Variants in HS3ST3A1 observed in about 807,000 individuals in gnomAD.
HS3ST3A1 encodes heparan sulfate glucosamine 3-O-sulfotransferase 3A1.
In HS3ST3A1, 19 loss-of-function variants were observed where a neutral mutation model predicts 25.7. The ratio of observed to expected loss-of-function variants is 0.74; its 90% confidence interval spans 0.52 to 1.08. The LOEUF is 1.08. Ranked by LOEUF, HS3ST3A1 falls within the 50% of genes least tolerant of loss-of-function variation. The pLI is 0.00. For missense variants in HS3ST3A1, 459 were observed against 594.3 expected, an observed-to-expected ratio of 0.77 and a Z score of 2.37; for synonymous variants, 226 against 278.6, an observed-to-expected ratio of 0.81 and a Z score of 1.88.
At chr17:13,559,315 T>G (rs573978173) in intron 1 of HS3ST3A1, among the ~76,000 whole-genome samples, 1 of 152,252 alleles carries the variant, frequency 6.6e-6, no homozygotes, top group Non-Finnish European at 1.5e-5. Flanking sequence ...TAATTTCGTA[T>G]TAATGGACAC....
At chr17:13,556,546 TA>T (rs1352638193) in intron 1 of HS3ST3A1, among the ~76,000 whole-genome samples, 1 of 85,564 alleles carries the variant, frequency 1.2e-5, no homozygotes, top group Non-Finnish European at 2.2e-5. Flanking sequence ...AATAAATAGA[TA>T]AAAAATAAAA....
At chr17:13,544,412 C>T (rs901451978) in intron 1 of HS3ST3A1, among the ~76,000 whole-genome samples, 18 of 152,192 alleles carry the variant, frequency 1.2e-4, no homozygotes, top group Admixed American at 3.9e-4. Context: ...GGGTCTGGGA[C>T]GACCTTCCTA....
At chr17:13,533,402 G>C (rs1009136332) in intron 1 of HS3ST3A1, among the ~76,000 whole-genome samples, 2 of 151,738 alleles carry the variant, frequency 1.3e-5, no homozygotes, top group African/African-American at 4.8e-5. Context: ...CCTAAGTCTT[G>C]TTTGGAAGGA....
chr17:13,512,321 A>AAAAAAAAAAAAAAAAAAAAAC (rs1395357582), intron 1 of HS3ST3A1, among the ~76,000 whole-genome samples: 3 of 144,674 alleles, frequency 2.1e-5, no homozygotes, highest in Admixed American at 6.8e-5. Flanking sequence ...AAAAAAAAAA[A>AAAAAAAAAAAAAAAAAAAAAC]AAAAAACTGC....
At chr17:13,564,854 G>A (rs1907638735) in intron 1 of HS3ST3A1, among the ~76,000 whole-genome samples, 1 of 151,252 alleles carries the variant, frequency 6.6e-6, no homozygotes, top group South Asian at 2.1e-4. Context: ...CTCTCAAGTA[G>A]CTGGGATTAC....
chr17:13,579,981 T>C (rs933095572), intron 1 of HS3ST3A1, among the ~76,000 whole-genome samples: 3 of 146,262 alleles, frequency 2.1e-5, no homozygotes, highest in Non-Finnish European at 3.0e-5. Context: ...AAAGAAATTA[T>C]ACATATACTA....
intron 1 of HS3ST3A1, among the ~76,000 whole-genome samples, chr17:13,586,831 C>T (rs1055511144): frequency 2.5e-5 from 3 of 120,140 alleles, no homozygotes; most frequent in African/African-American, 1.0e-4. Context: ...GATCAAGCCA[C>T]TGCACTCCAG....
At chr17:13,517,229 A>G (rs942289363) in intron 1 of HS3ST3A1, among the ~76,000 whole-genome samples, 5 of 152,234 alleles carry the variant, frequency 3.3e-5, no homozygotes, top group African/African-American at 1.2e-4. Flanking sequence ...TAGTGAATGA[A>G]CGTTATTAAT....
intron 1 of HS3ST3A1, among the ~76,000 whole-genome samples, chr17:13,514,749 T>C (rs1290159830): frequency 1.3e-5 from 2 of 152,180 alleles, no homozygotes; most frequent in Admixed American, 6.5e-5. Context: ...TACAAAGTGA[T>C]AGCATGAGAT....
rs758222 is a variant in HS3ST3A1 at position 13,566,237 on chromosome 17, T to C, written c.599+34294A>G. On this transcript the variant is annotated intron_variant, in intron 1 of 1. Transcript: ENST00000284110. ...TTCACTTTTTCATGACTATTGTATC[T>C]GTTATGGTGATCTGTGATTGGTGGT... Among the ~76,000 whole-genome samples the C allele has an allele frequency of 9.6e-3, 1,464 of 152,292 alleles. 17 individuals carry two copies. The highest frequency in any genetic ancestry group is 0.033 in the African/African-American group (1,367 of 41,544).
At chr17:13,511,724 CTAGAAT>C (rs1319219757) in intron 1 of HS3ST3A1, among the ~76,000 whole-genome samples, 2 of 150,668 alleles carry the variant, frequency 1.3e-5, no homozygotes, top group Non-Finnish European at 3.0e-5. Context: ...ATGTTAAAAG[CTAGAAT>C]GGAGAACAGT....
chr17:13,596,627 C>T (rs1908585301), intron 1 of HS3ST3A1, among the ~76,000 whole-genome samples: 1 of 152,102 alleles, frequency 6.6e-6, no homozygotes, highest in South Asian at 2.1e-4. Context: ...TCCAAAGTAA[C>T]ATCTCACTCT....
chr17:13,536,315 GT>G (rs1332043377), intron 1 of HS3ST3A1, among the ~76,000 whole-genome samples: 8 of 151,860 alleles, frequency 5.3e-5, no homozygotes, highest in Admixed American at 5.2e-4. Flanking sequence ...AAAAAATTAA[GT>G]TGTTTTAGAA....
intron 1 of HS3ST3A1, among the ~76,000 whole-genome samples, chr17:13,503,462 T>C (rs762390511): frequency 5.8e-4 from 89 of 152,272 alleles, no homozygotes; most frequent in Non-Finnish European, 1.1e-3. Context: ...AAGTAATAAA[T>C]GTTTGAGGTG....
At chr17:13,506,206 A>G (rs1390868339) in intron 1 of HS3ST3A1, among the ~76,000 whole-genome samples, 1 of 151,854 alleles carries the variant, frequency 6.6e-6, no homozygotes, top group African/African-American at 2.4e-5. Context: ...ACATAGTTTT[A>G]TAGGAAACTC....
chr17:13,581,560 A>G (rs1956389746), intron 1 of HS3ST3A1, among the ~76,000 whole-genome samples: 1 of 152,140 alleles, frequency 6.6e-6, no homozygotes, highest in East Asian at 1.9e-4. Flanking sequence ...CACACCCAAC[A>G]CTGTCTGAAA....
chr17:13,533,312 C>T (rs887146918), intron 1 of HS3ST3A1, among the ~76,000 whole-genome samples: 15 of 151,996 alleles, frequency 9.9e-5, no homozygotes, highest in African/African-American at 3.6e-4. Context: ...AATCCACACA[C>T]TGCTTAAGGT....
At chr17:13,559,393 C>T (rs1352272171) in intron 1 of HS3ST3A1, among the ~76,000 whole-genome samples, 3 of 151,680 alleles carry the variant, frequency 2.0e-5, no homozygotes, top group Non-Finnish European at 2.9e-5. Flanking sequence ...TCTTCTTACA[C>T]CTAAAAGTAA....
chr17:13,506,993 C>T (rs1454208562), intron 1 of HS3ST3A1, among the ~76,000 whole-genome samples: 5 of 149,780 alleles, frequency 3.3e-5, no homozygotes, highest in East Asian at 2.0e-4. Context: ...CGCTTGAACC[C>T]GGGAGGCAGA....
Sources: allele counts gnomAD v4.1 joint callset (sites outside exome capture counted in the v4.1 genomes callset), GRCh38; gene constraint gnomAD v4.1.1; transcripts MANE v1.5; gene names NCBI Gene and HGNC (gene_info 2026-07-23, HGNC 2026-07-21).